INTS4: variants seen among roughly 807,000 people sequenced by gnomAD.
INTS4 encodes integrator complex subunit 4.
In INTS4, 70 loss-of-function variants were observed where a neutral mutation model predicts 119.5. That is an observed-to-expected ratio of 0.59 (90% confidence interval 0.48 to 0.71). The LOEUF (loss-of-function observed/expected upper bound fraction) is 0.71, where lower values mean the gene tolerates loss of function less well. INTS4 is among the 30% of genes least tolerant of loss of function. INTS4 has a pLI of 0.00. For missense variants in INTS4, 867 were observed against 1,173.2 expected, an observed-to-expected ratio of 0.74 and a Z score of 3.81; for synonymous variants, 316 against 419.6, an observed-to-expected ratio of 0.75 and a Z score of 3.02.
At chr11:77,894,095 T>C (rs1423590743) in intron 19 of INTS4, among the ~76,000 whole-genome samples, 195 bp downstream of exon 19, 1 of 152,110 alleles carries the variant, frequency 6.6e-6, no homozygotes, top group Non-Finnish European at 1.5e-5. Context: ...TCAAAGAAGT[T>C]TCTATAACAT....
At chr11:77,939,702 G>A (rs1371350432) in intron 9 of INTS4, among the ~76,000 whole-genome samples, 13 of 151,708 alleles carry the variant, frequency 8.6e-5, no homozygotes, top group Admixed American at 2.0e-4. Flanking sequence ...AAAATTAGCC[G>A]GGTGTGGTGG....
intron 1 of INTS4, among the ~76,000 whole-genome samples, chr11:77,991,947 C>T (rs1392001547): frequency 6.6e-6 from 1 of 151,992 alleles, no homozygotes; most frequent in African/African-American, 2.4e-5. Context: ...CTCCCTGACT[C>T]CCAACTAGCT....
intron 2 of INTS4, among the ~76,000 whole-genome samples, chr11:77,989,468 T>A (rs370864202): frequency 5.9e-5 from 9 of 151,404 alleles, no homozygotes; most frequent in African/African-American, 2.2e-4. Context: ...TCAAAAAAAA[T>A]AATAACAAAA....
At chr11:77,957,860 G>C (rs1023819195) in intron 7 of INTS4, among the ~76,000 whole-genome samples, 11 of 151,664 alleles carry the variant, frequency 7.3e-5, no homozygotes, top group African/African-American at 2.7e-4. Flanking sequence ...GTAGAGACGA[G>C]GTTTCACCAT....
chr11:77,949,537 C>A lies in INTS4; in HGVS notation c.918+6405G>T, dbSNP rs7927641. ...AAATTTACAAAAAAAAAAAAAAAAA[C>A]CATCAAAAAGTGGGTGAAGGATATG... On this transcript the variant is annotated intron_variant, in intron 8 of 22. Coordinates refer to ENST00000534064, the MANE Select transcript of INTS4 (RefSeq NM_033547.4). Among the ~76,000 whole-genome samples the A allele has an allele frequency of 6.4e-3, 807 of 125,966 alleles. 9 individuals carry two copies. The highest frequency in any genetic ancestry group is 0.022 in the African/African-American group (746 of 33,406). 82.6% of individuals were successfully genotyped at this position (125,966 alleles called of 152,430 possible).
chr11:77,990,030 A>G (rs1856606068), intron 2 of INTS4, among the ~76,000 whole-genome samples: 1 of 152,154 alleles, frequency 6.6e-6, no homozygotes, highest in Non-Finnish European at 1.5e-5. Context: ...AGCCTGGCCA[A>G]CACAGCAAAA....
At chr11:77,874,898 G>A (rs1026458910), downstream of INTS4, among the ~76,000 whole-genome samples, 7 of 152,264 alleles carry the variant, frequency 4.6e-5, no homozygotes, top group East Asian at 1.9e-4. Context: ...TTAGCCAGGC[G>A]TGGTGGCACG....
intron 4 of INTS4, among the ~76,000 whole-genome samples, chr11:77,962,819 C>T (rs1591114768): frequency 6.6e-6 from 1 of 151,632 alleles, no homozygotes; most frequent in African/African-American, 2.4e-5. Context: ...GGGACTTGGC[C>T]AGCTTGGACA....
At chr11:77,900,338 A>G (rs550069990) in intron 18 of INTS4, among the ~76,000 whole-genome samples, 119 of 151,870 alleles carry the variant, frequency 7.8e-4, no homozygotes, top group African/African-American at 2.7e-3. Context: ...TGACCTCGTG[A>G]TCTGCCCACC....
intron 10 of INTS4, among the ~76,000 whole-genome samples, chr11:77,929,692 AT>A (rs1788904787): frequency 6.6e-6 from 1 of 152,170 alleles, no homozygotes; most frequent in South Asian, 2.1e-4. Context: ...GCTTGGAATG[AT>A]AGAGGTCTCA....
At chr11:77,941,786 G>A (rs1953935126) in intron 8 of INTS4, among the ~76,000 whole-genome samples, 2 of 152,120 alleles carry the variant, frequency 1.3e-5, no homozygotes, top group South Asian at 2.1e-4. Context: ...GATTACAGGC[G>A]TGAGTCACCA....
At chr11:77,979,474 TAAAAAAACAGAA>T (rs980051057) in intron 3 of INTS4, among the ~76,000 whole-genome samples, 1 of 150,056 alleles carries the variant, frequency 6.7e-6, no homozygotes, top group African/African-American at 2.5e-5. Flanking sequence ...GACCCAGTCC[TAAAAAAACAGAA>T]AAAAAAACAG....
chr11:77,897,867 A>T (rs902555015), intron 18 of INTS4, among the ~76,000 whole-genome samples: 15 of 152,026 alleles, frequency 9.9e-5, no homozygotes, highest in African/African-American at 3.6e-4. Flanking sequence ...GGAGTGCAAT[A>T]GCATGATCAT....
intron 12 of INTS4, 43 bp from the exon 13 acceptor site, chr11:77,922,514 G>A (rs1565246920): frequency 1.2e-6 from 1 of 856,090 alleles, no homozygotes; most frequent in East Asian, 2.7e-5. Flanking sequence ...AATTAGTAAA[G>A]TTAGTCCTTT....
chr11:77,937,173 A>AC (rs1003416983), intron 10 of INTS4, among the ~76,000 whole-genome samples: 2 of 151,016 alleles, frequency 1.3e-5, no homozygotes, highest in Non-Finnish European at 3.0e-5. Flanking sequence ...TCCCCGCCAC[A>AC]CCCCCCGAAA....
intron 4 of INTS4, among the ~76,000 whole-genome samples, chr11:77,971,265 T>A (rs1300822708): frequency 6.6e-6 from 1 of 152,228 alleles, no homozygotes; most frequent in Admixed American, 6.5e-5. Flanking sequence ...ACTTTTTTTT[T>A]AATTTGCCAC....
intron 4 of INTS4, among the ~76,000 whole-genome samples, chr11:77,966,421 TAC>T (rs1415761479): frequency 2.0e-5 from 3 of 152,232 alleles, no homozygotes; most frequent in Admixed American, 2.0e-4. Flanking sequence ...CTAGTAGTTT[TAC>T]AGTTTCAGGT....
intron 14 of INTS4, among the ~76,000 whole-genome samples, 178 bp downstream of exon 14, chr11:77,921,162 G>T (rs1953351336): frequency 6.6e-6 from 1 of 152,164 alleles, no homozygotes; most frequent in Non-Finnish European, 1.5e-5. Context: ...TGCACACAGT[G>T]GTGCTCACCT....
At chr11:77,902,993 C>CTAGGA (rs953397554) in intron 17 of INTS4, among the ~76,000 whole-genome samples, 8 of 152,220 alleles carry the variant, frequency 5.3e-5, no homozygotes, top group African/African-American at 1.9e-4. Context: ...CGGTCTCAAA[C>CTAGGA]TCCTAACCTT....
Sources: gnomAD v4.1 joint callset for allele counts (sites outside exome capture counted in the v4.1 genomes callset) on GRCh38, gnomAD v4.1.1 for gene constraint, MANE v1.5 for transcripts, NCBI Gene and HGNC (gene_info 2026-07-23, HGNC 2026-07-21) for gene names.